ITPR2: variants seen among roughly 807,000 people sequenced by gnomAD.
The protein encoded by ITPR2 is inositol 1,4,5-trisphosphate-gated calcium channel ITPR2.
A neutral mutation model predicts 317.1 loss-of-function variants in ITPR2; 207 were observed. That is an observed-to-expected ratio of 0.65 (90% CI 0.58 to 0.73). ITPR2 has a LOEUF of 0.73. ITPR2 is among the 30% of genes least tolerant of loss of function. The probability of loss-of-function intolerance (pLI) is 0.00; values close to 1 mark genes in which losing one functional copy is unlikely to be tolerated. For synonymous variants in ITPR2, 1,156 were observed against 1,149.1 expected, an observed-to-expected ratio of 1.01 and a Z score of -0.12; for missense variants, 2,613 against 3,284.0, an observed-to-expected ratio of 0.80 and a Z score of 4.99.
intron 1 of ITPR2, among the ~76,000 whole-genome samples, chr12:26,817,743 T>C (rs954186037): frequency 2.6e-5 from 4 of 152,204 alleles, no homozygotes; most frequent in African/African-American, 9.6e-5. Flanking sequence ...TTTGAGGACA[T>C]CTGGAGAACT....
chr12:26,598,517 A>G (rs1945910045), intron 30 of ITPR2, among the ~76,000 whole-genome samples: 1 of 152,218 alleles, frequency 6.6e-6, no homozygotes, highest in African/African-American at 2.4e-5. Context: ...TACTTCTCCA[A>G]TGTATCATAC....
intron 37 of ITPR2, among the ~76,000 whole-genome samples, chr12:26,497,109 C>T (rs73085278): frequency 0.16 from 24,696 of 149,680 alleles, 2,460 homozygotes; most frequent in Non-Finnish European, 0.23. Flanking sequence ...TAGAGTCTTC[C>T]TACATTATAT....
intron 32 of ITPR2, among the ~76,000 whole-genome samples, chr12:26,588,675 A>T (rs1056731200): frequency 2.0e-5 from 3 of 152,224 alleles, no homozygotes; most frequent in Admixed American, 6.5e-5. Context: ...TTGACTCAAT[A>T]TAAGAGTTGT....
At chr12:26,514,435 G>A (rs1194220543) in intron 37 of ITPR2, among the ~76,000 whole-genome samples, 1 of 152,226 alleles carries the variant, frequency 6.6e-6, no homozygotes, top group Non-Finnish European at 1.5e-5. Context: ...TGCTGTATCA[G>A]ATCAATTGAG....
At chr12:26,446,773 A>G (rs2136747965) in intron 45 of ITPR2, among the ~76,000 whole-genome samples, 1 of 150,808 alleles carries the variant, frequency 6.6e-6, no homozygotes, top group South Asian at 2.1e-4. Context: ...CTCCCTTCAC[A>G]TGTTCAAAGT....
Position 26,400,167 on chromosome 12 carries a change from G to A in ITPR2, c.7491C>T (p.Gly2497=), listed in dbSNP as rs61757115. 35 of 1,611,206 alleles carry A rather than the reference G, an allele frequency of 2.2e-5. No homozygotes were observed. Among genetic ancestry groups the A allele is most frequent in the African/African-American group, 2.1e-4 (16 of 74,810 alleles). The change falls in exon 53 of 57, where the codon GGC becomes GGT. Residue 2497 remains glycine, a synonymous_variant. Transcript: ENST00000381340. The part of the protein sequence containing the change: ...VTVLNQGLRN[G]GGVGDVLRRP... ...TTCTTAGCACATCCCCCACACCACCGCCATTCCTGAGGCCCTGGTTCAGCA... is the reference window on the plus strand; with the variant it reads ...TTCTTAGCACATCCCCCACACCACCACCATTCCTGAGGCCCTGGTTCAGCA...
Position 26,812,192 on chromosome 12 carries a change from A to C in ITPR2, c.92+20498T>G, listed in dbSNP as rs974601811. Among the ~76,000 whole-genome samples, 18 of 151,620 alleles carry C rather than the reference A, an allele frequency of 1.2e-4. No individual in the cohort carries two copies. The South Asian group carries it at 2.9e-3, about 25-fold the overall frequency. On this transcript the variant is annotated intron_variant, in intron 1 of 56. Transcript: ENST00000381340. Reference sequence around the variant, plus strand: ...AAAAAAAAAAAGTAAAGAAATATAGAAAAATAATCCGTTGGCACTAAAATG... The same window carrying C: ...AAAAAAAAAAAGTAAAGAAATATAGCAAAATAATCCGTTGGCACTAAAATG...
intron 32 of ITPR2, among the ~76,000 whole-genome samples, chr12:26,585,218 A>T (rs1945494558): frequency 6.6e-6 from 1 of 152,170 alleles, no homozygotes; most frequent in Non-Finnish European, 1.5e-5. Flanking sequence ...TATATATTTT[A>T]CATAATTGAA....
At chr12:26,756,938 A>C (rs1949533114) in intron 2 of ITPR2, among the ~76,000 whole-genome samples, 2 of 152,320 alleles carry the variant, frequency 1.3e-5, no homozygotes, top group African/African-American at 4.8e-5. Context: ...CAGGTCATAA[A>C]GATCTTGTTG....
intron 26 of ITPR2, among the ~76,000 whole-genome samples, chr12:26,617,831 G>A (rs1348712112): frequency 6.6e-6 from 1 of 151,826 alleles, no homozygotes; most frequent in Non-Finnish European, 1.5e-5. Flanking sequence ...AAAAATTACA[G>A]GCTAATTTCA....
chr12:26,813,226 A>C (rs1950787372), intron 1 of ITPR2, among the ~76,000 whole-genome samples: 1 of 152,196 alleles, frequency 6.6e-6, no homozygotes, highest in Non-Finnish European at 1.5e-5. Flanking sequence ...TAAATTAACA[A>C]TTCCTTACTT....
chr12:26,339,267 A>T lies in ITPR2; in HGVS notation c.*130T>A. The T allele has an allele frequency of 1.4e-6, 1 of 736,434 alleles. No homozygotes were observed. Among genetic ancestry groups the T allele is most frequent in the Non-Finnish European group, 2.3e-6 (1 of 432,662 alleles). 45.6% of individuals were successfully genotyped at this position (736,434 alleles called of 1,614,324 possible). ...AATTGTTCTCGGAGCTAACCCACTCAACATCTTGGCACTTGGTTGTTTTTA... is the reference window on the plus strand; with the variant it reads ...AATTGTTCTCGGAGCTAACCCACTCTACATCTTGGCACTTGGTTGTTTTTA... On this transcript the variant is annotated 3_prime_UTR_variant, in exon 57 of 57. Transcript: ENST00000381340.
At chr12:26,670,446 G>C (rs1035403770) in intron 13 of ITPR2, among the ~76,000 whole-genome samples, 1 of 152,202 alleles carries the variant, frequency 6.6e-6, no homozygotes, top group Non-Finnish European at 1.5e-5. Flanking sequence ...ACAGGGTCTG[G>C]AGTGGACCTC....
chr12:26,666,958 G>T (rs1947644455), intron 13 of ITPR2, among the ~76,000 whole-genome samples: 1 of 152,146 alleles, frequency 6.6e-6, no homozygotes, highest in Non-Finnish European at 1.5e-5. Context: ...TATTGGAAGG[G>T]TCAAGGCATT....
At chr12:26,712,423 GA>G (rs1242108457) in intron 8 of ITPR2, among the ~76,000 whole-genome samples, 1 of 152,150 alleles carries the variant, frequency 6.6e-6, no homozygotes, top group Non-Finnish European at 1.5e-5. Context: ...TAATAATTAT[GA>G]AAATACTTCA....
At chr12:26,815,851 T>C (rs958505102) in intron 1 of ITPR2, among the ~76,000 whole-genome samples, 4 of 152,246 alleles carry the variant, frequency 2.6e-5, no homozygotes, top group African/African-American at 9.6e-5. Context: ...CCCAGCACTT[T>C]GGGAGGCTGA....
intron 55 of ITPR2, among the ~76,000 whole-genome samples, chr12:26,359,891 C>G (rs1490750038): frequency 1.3e-5 from 2 of 152,146 alleles, no homozygotes; most frequent in South Asian, 4.1e-4. Context: ...GCTTGGTAAC[C>G]TTGTGGGAAT....
At chr12:26,786,435 C>T (rs1427995595) in intron 2 of ITPR2, among the ~76,000 whole-genome samples, 1 of 71,718 alleles carries the variant, frequency 1.4e-5, no homozygotes, top group African/African-American at 6.0e-5. Context: ...CGAGAAACAC[C>T]CAAGAATGAT....
chr12:26,820,119 T>C (rs1331316099), intron 1 of ITPR2, among the ~76,000 whole-genome samples: 1 of 152,122 alleles, frequency 6.6e-6, no homozygotes, highest in Non-Finnish European at 1.5e-5. Flanking sequence ...GAGTGTAAGC[T>C]TTACCACATA....
Sources: gnomAD v4.1 joint callset for allele counts (sites outside exome capture counted in the v4.1 genomes callset) on GRCh38, gnomAD v4.1.1 for gene constraint, MANE v1.5 for transcripts, NCBI Gene and HGNC (gene_info 2026-07-23, HGNC 2026-07-21) for gene names.